The following CSNK1A1 variants were observed in gnomAD, a reference collection of about 807,000 sequenced individuals.
CSNK1A1 encodes casein kinase 1 alpha 1, also known as casein kinase I isoform alpha.
In CSNK1A1, 7 loss-of-function variants were observed where a neutral mutation model predicts 46.1. That is an observed-to-expected ratio of 0.15 (90% CI 0.09 to 0.29). The LOEUF is 0.29. Ranked by LOEUF, CSNK1A1 falls within the 10% of genes least tolerant of loss-of-function variation. CSNK1A1 has a pLI of 1.00. For missense variants in CSNK1A1, 96 were observed against 417.1 expected (o/e 0.23, Z 6.71); for synonymous variants, 137 against 141.5 (o/e 0.97, Z 0.23).
At chr5:149,497,404 G>A (rs546688291) in intron 9 of CSNK1A1, 8 of 985,676 alleles carry the variant, frequency 8.1e-6, no homozygotes, top group South Asian at 9.4e-5. Context: ...CTTCTTTACC[G>A]GCCGCATTAG....
chr5:149,508,373 G>A (rs1761104018), intron 7 of CSNK1A1, among the ~76,000 whole-genome samples: 1 of 151,970 alleles, frequency 6.6e-6, no homozygotes, highest in African/African-American at 2.4e-5. Context: ...ATGACAATGA[G>A]ACTGAAAACA....
chr5:149,504,653 C>A, intron 9 of CSNK1A1: 1 of 985,384 alleles, frequency 1.0e-6, no homozygotes, highest in Non-Finnish European at 1.2e-6. Context: ...ATAAGACTAG[C>A]GGTTTCAATG....
intron 2 of CSNK1A1, among the ~76,000 whole-genome samples, chr5:149,526,189 G>A (rs1761720127): frequency 6.6e-6 from 1 of 151,822 alleles, no homozygotes; most frequent in African/African-American, 2.4e-5. Context: ...GCCAGGCTGG[G>A]GTGCAGTGGC....
Position 149,505,523 on chromosome 5 carries a change from G to A in CSNK1A1, c.930C>T (p.Ala310=). ...CCTGCTGACCCTGCCCACTGGAAGA[G>A]GCTGCCTGCTGTGCTGCTTTCTGCT... ...MLKQKAAQQA[A]SSSGQGQQAQ... is the part of the protein sequence containing the mutation. Residue 310 remains alanine (A), a synonymous_variant, in exon 9 of 10, where the codon GCC becomes GCT. Coordinates refer to ENST00000377843, the MANE Select transcript of CSNK1A1 (RefSeq NM_001892.6). 3 of 1,614,118 alleles carry A rather than the reference G, an allele frequency of 1.9e-6. No homozygotes were observed. Among genetic ancestry groups the A allele is most frequent in the Non-Finnish European group, 2.5e-6 (3 of 1,180,020 alleles).
intron 6 of CSNK1A1, among the ~76,000 whole-genome samples, chr5:149,511,353 G>C (rs1355148830): frequency 6.7e-6 from 1 of 149,874 alleles, no homozygotes; most frequent in Admixed American, 6.7e-5. Context: ...AGGATACGGT[G>C]ATTTATCATT....
At chr5:149,498,268 AGGT>A (rs2113038175) in intron 9 of CSNK1A1, 1 of 985,374 alleles carries the variant, frequency 1.0e-6, no homozygotes. Context: ...ACAAGAGAGT[AGGT>A]GCATAATAGA....
chr5:149,497,196 T>A, intron 9 of CSNK1A1: 2 of 1,041,330 alleles, frequency 1.9e-6, no homozygotes, highest in Non-Finnish European at 2.3e-6. Context: ...ATTTATCAAA[T>A]CAATGAAAAA....
chr5:149,545,799 T>C (rs1762462362), intron 2 of CSNK1A1: 4 of 536,580 alleles, frequency 7.5e-6, no homozygotes, highest in Admixed American at 2.5e-5. Context: ...GACTTGGCCA[T>C]GTCTGTACCT....
At chr5:149,542,648 A>ATGTATG (rs1762318420) in intron 2 of CSNK1A1, among the ~76,000 whole-genome samples, 3 of 5,618 alleles carry the variant, frequency 5.3e-4, no homozygotes, top group African/African-American at 1.2e-3. Flanking sequence ...ATGTATATAT[A>ATGTATG]TATATATATA....
chr5:149,544,136 T>C (rs926556327), intron 2 of CSNK1A1, among the ~76,000 whole-genome samples: 1 of 152,136 alleles, frequency 6.6e-6, no homozygotes, highest in African/African-American at 2.4e-5. Context: ...CAAAGGCAAA[T>C]GGAAATGAGT....
intron 2 of CSNK1A1, among the ~76,000 whole-genome samples, chr5:149,543,503 C>G (rs1240099480): frequency 6.6e-6 from 1 of 150,964 alleles, no homozygotes; most frequent in Non-Finnish European, 1.5e-5. Context: ...TTTTTTTAGT[C>G]CAAGCTAAGC....
chr5:149,497,462 TTTGGCTTTA>T lies in CSNK1A1; in HGVS notation c.1007-611_1007-603del. 3 of 986,156 alleles carry T rather than the reference TTTGGCTTTA, an allele frequency of 3.0e-6. No individual in the cohort carries two copies. In the South Asian group the frequency reaches 1.4e-4, roughly 46 times the overall value. The allele number at this position is 986,156 out of a possible 1,614,324, so 61.1% of individuals were successfully genotyped here. A position where few individuals can be genotyped will look rare whatever the true frequency, so the allele number is the denominator to read the frequency against. On this transcript the variant is annotated intron_variant, in intron 9 of 9. Transcript: ENST00000377843. ...TAAAAATGTAAGCAAGTGATGCTTT[TTTGGCTTTA>T]TTTACTTCTCAAGCCTACACATTCT...
chr5:149,542,592 TTATA>T (rs1160379269), intron 2 of CSNK1A1, among the ~76,000 whole-genome samples: 494 of 26,508 alleles, frequency 0.019, 6 homozygotes, highest in Middle Eastern at 0.026. Context: ...AGATACAAAT[TTATA>T]TATATATATA....
chr5:149,549,297 GAAACGTGCC>G, intron 2 of CSNK1A1: 1 of 577,716 alleles, frequency 1.7e-6, no homozygotes, highest in Non-Finnish European at 3.2e-6. Context: ...AGTCCCGACT[GAAACGTGCC>G]AAATATGACC....
chr5:149,539,894 T>C (rs1302850762), intron 2 of CSNK1A1, among the ~76,000 whole-genome samples: 1 of 152,210 alleles, frequency 6.6e-6, no homozygotes, highest in East Asian at 1.9e-4. Flanking sequence ...ACAAGATTGG[T>C]GTAATGATTA....
chr5:149,529,762 G>A (rs1761832969), intron 2 of CSNK1A1: 4 of 455,986 alleles, frequency 8.8e-6, no homozygotes, highest in South Asian at 6.2e-5. Flanking sequence ...TTGTGGCTGA[G>A]ACATAATTAA....
rs545513214 is a variant in CSNK1A1 at position 149,532,212 on chromosome 5, A to T, written c.231-7041T>A. On this transcript the variant is annotated intron_variant, in intron 2 of 9. Coordinates refer to ENST00000377843, the MANE Select transcript of CSNK1A1 (RefSeq NM_001892.6). Reference sequence around the variant, plus strand: ...TGCTTATTAATGCATTAAATATAGGAGCAGGTCTAATAAATGCTATAATTT... The same window carrying T: ...TGCTTATTAATGCATTAAATATAGGTGCAGGTCTAATAAATGCTATAATTT... Among the ~76,000 whole-genome samples, 27 of 152,218 alleles carry T rather than the reference A, an allele frequency of 1.8e-4. No homozygotes were observed. The South Asian group carries it at 2.9e-3, about 16-fold the overall frequency.
chr5:149,524,672 C>T (rs1761675100), intron 3 of CSNK1A1, among the ~76,000 whole-genome samples: 1 of 152,180 alleles, frequency 6.6e-6, no homozygotes, highest in South Asian at 2.1e-4. Flanking sequence ...GAGTCCCACA[C>T]ATAATACATA....
intron 3 of CSNK1A1, among the ~76,000 whole-genome samples, chr5:149,520,904 T>C (rs543372428): frequency 1.7e-4 from 26 of 152,356 alleles, no homozygotes; most frequent in African/African-American, 6.3e-4. Flanking sequence ...ATAATTCTTA[T>C]ATAATCTCAT....
Sources: allele counts gnomAD v4.1 joint callset (sites outside exome capture counted in the v4.1 genomes callset), GRCh38; gene constraint gnomAD v4.1.1; transcripts MANE v1.5; gene names NCBI Gene and HGNC (gene_info 2026-07-23, HGNC 2026-07-21).